Variants in BCL7C observed in about 807,000 individuals in gnomAD.
BCL7C encodes BAF chromatin remodeling complex subunit BCL7C.
A neutral mutation model predicts 26.2 loss-of-function variants in BCL7C; 8 were observed. The ratio of observed to expected loss-of-function variants is 0.30; its 90% confidence interval spans 0.18 to 0.55. The LOEUF (loss-of-function observed/expected upper bound fraction) is 0.55, where lower values mean the gene tolerates loss of function less well. Ranked by LOEUF, BCL7C falls within the 20% of genes least tolerant of loss-of-function variation. BCL7C has a pLI of 0.93. For missense variants in BCL7C, 262 were observed against 298.5 expected (o/e 0.88, Z 0.90); for synonymous variants, 90 against 116.5 (o/e 0.77, Z 1.47).
chr16:30,869,872 T>C (rs1262934413), intron 5 of BCL7C, among the ~76,000 whole-genome samples: 1 of 152,278 alleles, frequency 6.6e-6, no homozygotes, highest in East Asian at 1.9e-4. Flanking sequence ...TCCATGATTG[T>C]TGAATGAGTA....
chr16:30,860,203 A>G (rs1319889586), intron 5 of BCL7C, among the ~76,000 whole-genome samples: 4 of 152,202 alleles, frequency 2.6e-5, no homozygotes, highest in Non-Finnish European at 4.4e-5. Flanking sequence ...TCGGGAAGAC[A>G]GTCTTCCCTT....
At chr16:30,878,538 CA>C (rs1484541008) in intron 5 of BCL7C, among the ~76,000 whole-genome samples, 3 of 145,020 alleles carry the variant, frequency 2.1e-5, no homozygotes, top group African/African-American at 5.2e-5. Flanking sequence ...GACTCTATTT[CA>C]AAAAAAACAA....
chr16:30,883,953 G>A (rs1378020748), downstream of BCL7C, among the ~76,000 whole-genome samples: 2 of 150,694 alleles, frequency 1.3e-5, no homozygotes, highest in Non-Finnish European at 3.0e-5. Flanking sequence ...GTGAAACCCT[G>A]TCTCTACTAA....
At chr16:30,853,463 T>G (rs1038338133) in intron 5 of BCL7C, among the ~76,000 whole-genome samples, 1 of 152,210 alleles carries the variant, frequency 6.6e-6, no homozygotes, top group African/African-American at 2.4e-5. Context: ...GAATCCCTCC[T>G]GTAGGACCTG....
intron 5 of BCL7C, among the ~76,000 whole-genome samples, chr16:30,863,621 C>T (rs1387592214): frequency 6.6e-6 from 1 of 152,178 alleles, no homozygotes; most frequent in African/African-American, 2.4e-5. Flanking sequence ...ACTTCTGTCC[C>T]TCACGGCTAG....
chr16:30,839,649 A>G (rs1016476362), intron 5 of BCL7C, among the ~76,000 whole-genome samples: 2 of 152,192 alleles, frequency 1.3e-5, no homozygotes, highest in Non-Finnish European at 2.9e-5. Context: ...AGCTGCCACT[A>G]CCCAACATCC....
chr16:30,849,818 G>A (rs1055266311), intron 5 of BCL7C, among the ~76,000 whole-genome samples: 3 of 150,216 alleles, frequency 2.0e-5, no homozygotes, highest in South Asian at 2.1e-4. Flanking sequence ...TGAATGGTAC[G>A]ATCGCAGCTC....
chr16:30,892,505 G>T (rs1596629011), intron 4 of BCL7C, 81 bp downstream of exon 4: 1 of 1,424,748 alleles, frequency 7.0e-7, no homozygotes, highest in Middle Eastern at 1.8e-4. Context: ...CGGGGAGCAG[G>T]TATAGGGATG....
rs2055288393 is a variant in BCL7C at position 30,893,345 on chromosome 16, T to C, written c.93-55A>G. 2.7e-6 allele frequency: 4 copies of C among 1,464,744 alleles called. No individual in the cohort carries two copies. The Admixed American group carries it at 7.3e-5, about 27-fold the overall frequency. The allele number at this position is 1,464,744 out of a possible 1,614,324, so 90.7% of individuals were successfully genotyped here. On this transcript the variant is annotated intron_variant, in intron 1 of 5. Coordinates refer to ENST00000215115, the MANE Select transcript of BCL7C (RefSeq NM_004765.4). The surrounding 1 kb of genome is among the most constrained non-coding windows in gnomAD (Gnocchi z 5.2). The stretch of plus-strand genomic sequence containing the variant: ...AGGCCTGAGGGGAGACCCACCCCCC[T>C]AGGAGCTGGACACATCTGGGGGTAC...
At chr16:30,854,395 T>G (rs1304489680) in intron 5 of BCL7C, among the ~76,000 whole-genome samples, 1 of 152,178 alleles carries the variant, frequency 6.6e-6, no homozygotes. Context: ...TGGCCATGTG[T>G]GCTTACTGAT....
intron 5 of BCL7C, among the ~76,000 whole-genome samples, chr16:30,859,458 G>A (rs2054751344): frequency 6.6e-6 from 1 of 152,082 alleles, no homozygotes; most frequent in African/African-American, 2.4e-5. Flanking sequence ...TCTCTGTCAG[G>A]CCTCTGAGCC....
At chr16:30,869,091 T>C (rs755924315) in intron 5 of BCL7C, among the ~76,000 whole-genome samples, 6 of 152,114 alleles carry the variant, frequency 3.9e-5, no homozygotes, top group Non-Finnish European at 5.9e-5. Context: ...TCGACAGTTA[T>C]GGGAAAGACA....
chr16:30,858,243 C>T (rs1250557523), intron 5 of BCL7C, among the ~76,000 whole-genome samples: 1 of 152,170 alleles, frequency 6.6e-6, no homozygotes, highest in Non-Finnish European at 1.5e-5. Context: ...CCCAGCCTCT[C>T]ATTCCTTTCC....
At chr16:30,885,176 A>T (rs559841231), downstream of BCL7C, among the ~76,000 whole-genome samples, 1 of 152,174 alleles carries the variant, frequency 6.6e-6, no homozygotes, top group South Asian at 2.1e-4. Context: ...AGATTATTCA[A>T]ATGGGCCCAG....
chr16:30,867,648 C>T (rs1269507048), intron 5 of BCL7C, among the ~76,000 whole-genome samples: 1 of 152,084 alleles, frequency 6.6e-6, no homozygotes, highest in East Asian at 1.9e-4. Flanking sequence ...CACAAATTAG[C>T]CAGGCGTGGT....
At chr16:30,843,125 C>G (rs2151360165) in intron 5 of BCL7C, among the ~76,000 whole-genome samples, 1 of 152,342 alleles carries the variant, frequency 6.6e-6, no homozygotes, top group African/African-American at 2.4e-5. Context: ...TCATTCCAGA[C>G]ATAGCAAACA....
intron 5 of BCL7C, among the ~76,000 whole-genome samples, chr16:30,858,141 T>C (rs1304780741): frequency 6.6e-6 from 1 of 152,170 alleles, no homozygotes; most frequent in Non-Finnish European, 1.5e-5. Context: ...AGTCTGCCAT[T>C]GCAGAGTATT....
chr16:30,872,453 C>T lies in BCL7C; in HGVS notation c.528+16407G>A, dbSNP rs117865589. Among the ~76,000 whole-genome samples the T allele has an allele frequency of 7.6e-3, 1,160 of 152,260 alleles. 6 individuals carry two copies. Among genetic ancestry groups the T allele is most frequent in the Non-Finnish European group, 0.012 (847 of 68,026 alleles). On this transcript the variant is annotated intron_variant, in intron 5 of 5. Coordinates refer to the BCL7C transcript ENST00000380317. ...CAAGATGAACTAGAGATCAGACTCT[C>T]CTCACCACCAGCACGCACGTTCACA...
chr16:30,860,583 A>G (rs2054762830), intron 5 of BCL7C, among the ~76,000 whole-genome samples: 1 of 152,158 alleles, frequency 6.6e-6, no homozygotes, highest in African/African-American at 2.4e-5. Flanking sequence ...AAACTCGACA[A>G]TGGTTCCAAA....
Sources: gnomAD v4.1 joint callset for allele counts (sites outside exome capture counted in the v4.1 genomes callset) on GRCh38, gnomAD v4.1.1 for gene constraint, Gnocchi (gnomAD v3.1) non-coding constraint, MANE v1.5 for transcripts, NCBI Gene and HGNC (gene_info 2026-07-23, HGNC 2026-07-21) for gene names.